Variants in ANKRD44 observed in about 807,000 individuals in gnomAD.
The protein encoded by ANKRD44 is serine/threonine-protein phosphatase 6 regulatory ankyrin repeat subunit B.
In ANKRD44, 35 loss-of-function variants were observed where a neutral mutation model predicts 116.0. The ratio of observed to expected loss-of-function variants is 0.30; its 90% CI spans 0.23 to 0.40. The LOEUF (loss-of-function observed/expected upper bound fraction) is 0.40, where lower values mean the gene tolerates loss of function less well. Among genes scored for constraint, ANKRD44 ranks in the 10% least tolerant of loss-of-function variants. The pLI is 1.00. For synonymous variants in ANKRD44, 435 were observed against 461.8 expected (o/e 0.94, Z 0.74); for missense variants, 1,014 against 1,242.6 (o/e 0.82, Z 2.77).
At chr2:197,058,141 G>A (rs2077239217) in intron 16 of ANKRD44, among the ~76,000 whole-genome samples, 1 of 152,144 alleles carries the variant, frequency 6.6e-6, no homozygotes, top group Admixed American at 6.5e-5. Flanking sequence ...CCACCAGATG[G>A]TGCCACTGTA....
At chr2:197,078,163 C>T (rs113708844) in intron 16 of ANKRD44, 2 of 157,158 alleles carry the variant, frequency 1.3e-5, no homozygotes, top group African/African-American at 4.8e-5. Flanking sequence ...TTTGTTTTAT[C>T]ATGACAATTA....
intron 4 of ANKRD44, among the ~76,000 whole-genome samples, chr2:197,127,178 G>A (rs2078995923): frequency 1.3e-5 from 2 of 152,140 alleles, no homozygotes; most frequent in African/African-American, 4.8e-5. Flanking sequence ...ATGGGCTCTT[G>A]CATTTTCTAA....
At chr2:197,091,701 A>C (rs1462672470) in intron 10 of ANKRD44, among the ~76,000 whole-genome samples, 2 of 152,198 alleles carry the variant, frequency 1.3e-5, no homozygotes, top group African/African-American at 4.8e-5. Context: ...TTATTGTGGT[A>C]TTATGTCCCA....
chr2:197,155,677 A>G (rs1006877743), intron 2 of ANKRD44, among the ~76,000 whole-genome samples: 1 of 152,246 alleles, frequency 6.6e-6, no homozygotes, highest in African/African-American at 2.4e-5. Flanking sequence ...ATCAAAATGG[A>G]TCACAGAACT....
At chr2:197,052,902 G>A (rs992063050) in intron 16 of ANKRD44, among the ~76,000 whole-genome samples, 25 of 152,094 alleles carry the variant, frequency 1.6e-4, no homozygotes, top group African/African-American at 5.8e-4. Flanking sequence ...GGGTGTGGTG[G>A]CTCATGCCTC....
chr2:197,206,083 G>C (rs973227272), intron 1 of ANKRD44, among the ~76,000 whole-genome samples: 2 of 152,184 alleles, frequency 1.3e-5, no homozygotes, highest in Non-Finnish European at 2.9e-5. Context: ...TAGTAGCTCA[G>C]ACTGGCTGCG....
At chr2:197,132,468 G>T (rs1327954716) in intron 4 of ANKRD44, among the ~76,000 whole-genome samples, 1 of 152,178 alleles carries the variant, frequency 6.6e-6, no homozygotes, top group Non-Finnish European at 1.5e-5. Context: ...CTCAGGAAAT[G>T]AACTTAGCAA....
intron 3 of ANKRD44, among the ~76,000 whole-genome samples, chr2:197,137,198 C>T (rs2079240172): frequency 6.6e-6 from 1 of 152,120 alleles, no homozygotes; most frequent in Admixed American, 6.6e-5. Context: ...TTAGGGGGTT[C>T]AGGGTTTTGA....
intron 16 of ANKRD44, among the ~76,000 whole-genome samples, chr2:197,062,824 C>T (rs542919305): frequency 2.0e-5 from 3 of 152,358 alleles, no homozygotes; most frequent in Admixed American, 2.0e-4. Flanking sequence ...AGCCAGGAAG[C>T]TCGAACTGGG....
intron 2 of ANKRD44, among the ~76,000 whole-genome samples, chr2:197,153,030 C>T (rs1165831329): frequency 3.3e-5 from 5 of 151,736 alleles, no homozygotes; most frequent in African/African-American, 1.2e-4. Context: ...CAGGAGACCT[C>T]GTCTCTATTA....
Position 197,008,970 on chromosome 2 carries a change from C to G in ANKRD44, c.1986G>C (p.Ala662=). ...GTCCTTTGGCATCTTTCACATCGAC[C>G]GCCTCCGGGTTGTCTGCAATTTCTA... The part of the protein sequence containing the change: ...LLLEIADNPE[A]VDVKDAKGQT... Residue 662 remains alanine (A), a synonymous_variant, in exon 19 of 28, where the codon GCG becomes GCC. Coordinates refer to ENST00000282272, the MANE Select transcript of ANKRD44 (RefSeq NM_001195144.2). The G allele has an allele frequency of 6.2e-7, 1 of 1,614,118 alleles. No homozygotes were observed. Among genetic ancestry groups the G allele is most frequent in the Non-Finnish European group, 8.5e-7 (1 of 1,179,990 alleles).
At chr2:196,995,764 G>A (rs1378346947) in intron 25 of ANKRD44, among the ~76,000 whole-genome samples, 1 of 152,158 alleles carries the variant, frequency 6.6e-6, no homozygotes, top group African/African-American at 2.4e-5. Flanking sequence ...AGCTAGGTCA[G>A]CTGGTAACTA....
intron 3 of ANKRD44, among the ~76,000 whole-genome samples, chr2:197,145,493 A>T (rs1204120841): frequency 6.6e-6 from 1 of 152,202 alleles, no homozygotes; most frequent in Non-Finnish European, 1.5e-5. Flanking sequence ...GCCAACACCA[A>T]ACAATACACA....
Position 197,228,821 on chromosome 2 carries a change from A to C in ANKRD44, c.28-41715T>G, listed in dbSNP as rs537557693. Among the ~76,000 whole-genome samples the C allele has an allele frequency of 1.8e-3, 277 of 152,338 alleles. 2 individuals are homozygous for C. The highest frequency in any genetic ancestry group is 6.1e-3 in the African/African-American group (254 of 41,584). On this transcript the variant is annotated intron_variant, in intron 1 of 27. Transcript: ENST00000282272. ...GAGGCCGAGGCAAGTGGATCACCTGAGGTCAGGAGTTTGAGATCAGCTTGA... is the reference window on the plus strand; with the variant it reads ...GAGGCCGAGGCAAGTGGATCACCTGCGGTCAGGAGTTTGAGATCAGCTTGA...
At chr2:197,226,982 C>T (rs1486300140) in intron 1 of ANKRD44, among the ~76,000 whole-genome samples, 1 of 152,186 alleles carries the variant, frequency 6.6e-6, no homozygotes, top group Non-Finnish European at 1.5e-5. Context: ...AACAGCCAGT[C>T]TGACTGCTGC....
At chr2:197,036,220 C>T (rs571985137) in intron 16 of ANKRD44, among the ~76,000 whole-genome samples, 1 of 152,076 alleles carries the variant, frequency 6.6e-6, no homozygotes, top group Non-Finnish European at 1.5e-5. Flanking sequence ...AGCAAGGAGA[C>T]ATTACCTTTC....
intron 1 of ANKRD44, among the ~76,000 whole-genome samples, chr2:197,226,177 C>CTA (rs1366381310): frequency 6.6e-6 from 1 of 152,186 alleles, no homozygotes; most frequent in African/African-American, 2.4e-5. Context: ...TAGAGACCAA[C>CTA]TATATATATT....
At chr2:197,139,745 A>G (rs2079311291) in intron 3 of ANKRD44, among the ~76,000 whole-genome samples, 3 of 152,024 alleles carry the variant, frequency 2.0e-5, no homozygotes, top group Non-Finnish European at 4.4e-5. Flanking sequence ...AGTTTTCTGT[A>G]TGTTTGAAAT....
At chr2:197,182,097 A>G (rs549771043) in intron 2 of ANKRD44, among the ~76,000 whole-genome samples, 1 of 152,330 alleles carries the variant, frequency 6.6e-6, no homozygotes, top group South Asian at 2.1e-4. Context: ...TTGAATTCAA[A>G]TTTTGGTTTA....
Sources: allele counts gnomAD v4.1 joint callset (sites outside exome capture counted in the v4.1 genomes callset), GRCh38; gene constraint gnomAD v4.1.1; transcripts MANE v1.5; gene names NCBI Gene and HGNC (gene_info 2026-07-23, HGNC 2026-07-21).